Variants in GALNT9 observed in about 807,000 individuals in gnomAD.
GALNT9 encodes GalNAc transferase 9.
In GALNT9, 47 loss-of-function variants were observed where a neutral mutation model predicts 63.1. The observed-to-expected ratio is 0.75, with a 90% confidence interval of 0.59 to 0.95. The LOEUF (loss-of-function observed/expected upper bound fraction) is 0.95, where lower values mean the gene tolerates loss of function less well. Among genes scored for constraint, GALNT9 ranks in the 40% least tolerant of loss-of-function variants. The probability of loss-of-function intolerance (pLI) is 0.00; values close to 1 mark genes in which losing one functional copy is unlikely to be tolerated. For synonymous variants in GALNT9, 396 were observed against 365.7 expected (o/e 1.08, Z -0.94); for missense variants, 829 against 874.8 (o/e 0.95, Z 0.66).
intron 6 of GALNT9, among the ~76,000 whole-genome samples, chr12:132,207,417 T>C (rs145372527): frequency 0.033 from 4,988 of 152,248 alleles, 259 homozygotes; most frequent in African/African-American, 0.11. Flanking sequence ...GGGCCTTCTG[T>C]GGCGCTGGGG....
chr12:132,213,547 G>T (rs977363638), intron 6 of GALNT9, among the ~76,000 whole-genome samples: 3 of 150,438 alleles, frequency 2.0e-5, no homozygotes, highest in African/African-American at 7.4e-5. Context: ...ACATACAGGC[G>T]CACTCACACA....
At position 132,203,599 on chromosome 12, in the gene GALNT9, T is replaced by A. The variant is rs1452436304; in HGVS notation, c.1169A>T (p.Asp390Val). The A allele has an allele frequency of 6.2e-7, 1 of 1,613,802 alleles. No individual in the cohort carries two copies. Among genetic ancestry groups the A allele is most frequent in the African/African-American group, 1.3e-5 (1 of 74,934 alleles). Residue 390 changes from aspartate to valine, a missense_variant, in exon 7 of 11, where the codon GAC becomes GTC. Asp to Val is a radical substitution (Grantham distance 152). Transcript: ENST00000328957. ...CAGGGCGTTGCGCTTGGCATAGTAG[T>A]CAATGTCGTTGTTGTAGGGCTTCCT... ...RTRKPYNNDI[D>V]YYAKRNALRA...
intron 2 of GALNT9, chr12:132,275,340 A>C (rs1880040370): frequency 6.6e-6 from 1 of 152,308 alleles, no homozygotes; most frequent in African/African-American, 2.4e-5. Context: ...TCAGGGAGAG[A>C]CACACGGCCC....
intron 1 of GALNT9, among the ~76,000 whole-genome samples, chr12:132,312,420 G>A (rs1210780398): frequency 6.6e-6 from 1 of 152,230 alleles, no homozygotes; most frequent in African/African-American, 2.4e-5. Context: ...CCCAGGTTTG[G>A]GTTTAAGGGC....
Position 132,261,044 on chromosome 12 carries a change from C to G in GALNT9, c.665G>C (p.Arg222Pro). The stretch of plus-strand genomic sequence containing the variant: ...CAGCCGCGCGCGGATCAGTCCTTCC[C>G]GCCGGCTGTTGCGGACAATCTTCAC... ...GLVKIVRNSR[R>P]EGLIRARLQG... Residue 222 changes from arginine (R) to proline (P), a missense_variant, in exon 4 of 11, where the codon CGG becomes CCG. Arg to Pro is a moderately radical substitution (Grantham distance 103). Coordinates refer to ENST00000328957, the MANE Select transcript of GALNT9 (RefSeq NM_001122636.2). The G allele has an allele frequency of 6.4e-7, 1 of 1,551,438 alleles. No individual in the cohort carries two copies. The highest frequency in any genetic ancestry group is 8.7e-7 in the Non-Finnish European group (1 of 1,146,950).
At chr12:132,250,043 C>T (rs1221061205) in intron 5 of GALNT9, among the ~76,000 whole-genome samples, 3 of 152,226 alleles carry the variant, frequency 2.0e-5, no homozygotes, top group African/African-American at 7.2e-5. Flanking sequence ...CTCAGCCCAG[C>T]AGCCACGGAG....
In GALNT9 at chr12:132,252,323, C is replaced by T. The variant is rs1390734009; in HGVS notation, c.960-4296G>A. On this transcript the variant is annotated intron_variant, in intron 5 of 10. Coordinates refer to ENST00000328957, the MANE Select transcript of GALNT9 (RefSeq NM_001122636.2). This position sits in a 1 kb window ranked among gnomAD's most constrained non-coding sequence, Gnocchi z 5.2. The stretch of plus-strand genomic sequence containing the variant: ...TCCTGCAGCCGCATCCCCGCCACGA[C>T]TGAAGCCTTCGTGTCTTGCGGACGC... 6.6e-6 allele frequency among the ~76,000 whole-genome samples: 1 copy of T among 152,250 alleles called. No individual in the cohort carries two copies. The highest frequency in any genetic ancestry group is 1.5e-5 in the Non-Finnish European group (1 of 68,042).
rs961792953 is a variant in GALNT9, at chr12:132,228,764, C to T, written c.1077+19146G>A. Among the ~76,000 whole-genome samples, 378 of 152,162 alleles carry T rather than the reference C, an allele frequency of 2.5e-3. 4 individuals carry two copies. The highest frequency in any genetic ancestry group is 8.7e-3 in the African/African-American group (361 of 41,516). On this transcript the variant is annotated intron_variant, in intron 6 of 10. Coordinates refer to ENST00000328957, the MANE Select transcript of GALNT9 (RefSeq NM_001122636.2). Reference sequence around the variant, plus strand: ...CAGAGAGCAAACGATTTCCAACTTCCGCTCTGCAGATGGCTTTCCTGGCCC... The same window carrying T: ...CAGAGAGCAAACGATTTCCAACTTCTGCTCTGCAGATGGCTTTCCTGGCCC...
intron 9 of GALNT9, among the ~76,000 whole-genome samples, chr12:132,198,463 G>A (rs1042776013): frequency 8.2e-6 from 1 of 121,392 alleles, no homozygotes; most frequent in African/African-American, 2.9e-5. Flanking sequence ...GGCCTGTGCT[G>A]CAGGTGAGTC....
chr12:132,289,870 C>A (rs1240962141), intron 1 of GALNT9, among the ~76,000 whole-genome samples: 3 of 152,234 alleles, frequency 2.0e-5, no homozygotes, highest in African/African-American at 7.2e-5. Context: ...CGGGTCACCA[C>A]TGAGTCCCCG....
At position 132,197,249 on chromosome 12, in the gene GALNT9, C is replaced by A; in HGVS notation, c.1670G>T (p.Gly557Val). Residue 557 changes from glycine to valine, a missense_variant, in exon 11 of 11, where the codon GGC becomes GTC. By Grantham distance (109) the Gly-to-Val change is moderately radical (BLOSUM62 -3). Transcript: ENST00000328957. ...GCCCGTGGCCCGGCTCACAATGGGG[C>A]CACTCTGTGGGGACAGGCACATCAA... ...TQRLWDFTQS[G>V]PIVSRATGRC... The A allele has an allele frequency of 6.2e-7, 1 of 1,611,734 alleles. No homozygotes were observed. The highest frequency in any genetic ancestry group is 8.5e-7 in the Non-Finnish European group (1 of 1,179,834).
rs73166848 is a variant in GALNT9 at position 132,208,460 on chromosome 12, C to T, written c.1078-4770G>A. On this transcript the variant is annotated intron_variant, in intron 6 of 10. Transcript: ENST00000328957. ...ACGCTATCACCCTAGGCCTTCGTCACGTGATTTGCTTGGACCAACAGAAAG... is the reference window on the plus strand; with the variant it reads ...ACGCTATCACCCTAGGCCTTCGTCATGTGATTTGCTTGGACCAACAGAAAG... Among the ~76,000 whole-genome samples the T allele has an allele frequency of 2.6e-3, 395 of 152,368 alleles. 2 individuals are homozygous for T. The highest frequency in any genetic ancestry group is 8.9e-3 in the African/African-American group (371 of 41,586).
At chr12:132,293,167 G>C (rs1555242941) in intron 1 of GALNT9, among the ~76,000 whole-genome samples, 1 of 152,226 alleles carries the variant, frequency 6.6e-6, no homozygotes, top group Non-Finnish European at 1.5e-5. Flanking sequence ...ACTGAGTGGG[G>C]GGGCTCAGGC....
chr12:132,282,417 G>A lies in GALNT9; in HGVS notation c.419+3833C>T, dbSNP rs1235115504. Among the ~76,000 whole-genome samples the A allele has an allele frequency of 2.7e-5, 4 of 150,576 alleles. No individual in the cohort carries two copies. In the East Asian group the frequency reaches 8.1e-4, roughly 30 times the overall value. ...TACGTGTGTGCGCGTGTGTGCGTGTGTGTGCGTGTGTGCGTGCATGCGTGT... is the reference window on the plus strand; with the variant it reads ...TACGTGTGTGCGCGTGTGTGCGTGTATGTGCGTGTGTGCGTGCATGCGTGT... On this transcript the variant is annotated intron_variant, in intron 2 of 10. Transcript: ENST00000328957. This position sits in a 1 kb window ranked among gnomAD's most constrained non-coding sequence, Gnocchi z 4.5.
chr12:132,262,469 G>A lies in GALNT9; in HGVS notation c.576C>T (p.Asn192=), dbSNP rs1555239865. 2 of 1,550,320 alleles carry A rather than the reference G, an allele frequency of 1.3e-6. No homozygotes were observed. The highest frequency in any genetic ancestry group is 1.4e-5 in the African/African-American group (1 of 73,172). ...LLKEVILVDD[N]SDNVELKFNL... Reference sequence around the variant, plus strand: ...GCCCCGCCCACTCACCGTTGTCACTGTTGTCGTCCACCAGGATGACCTCCT... The same window carrying A: ...GCCCCGCCCACTCACCGTTGTCACTATTGTCGTCCACCAGGATGACCTCCT... Residue 192 remains asparagine, a synonymous_variant, in exon 3 of 11, where the codon AAC becomes AAT. Coordinates refer to ENST00000328957, the MANE Select transcript of GALNT9 (RefSeq NM_001122636.2).
chr12:132,310,369 G>A lies in GALNT9; in HGVS notation c.238+18597C>T, dbSNP rs536998541. ...CTGAGTTCCCTCACCCAGAGGAGCC[G>A]GGGCTGAGTGCCAGGAGTGAGAGCG... is the stretch of plus-strand genomic sequence containing the variant. On this transcript the variant is annotated intron_variant, in intron 1 of 10. Transcript: ENST00000328957. This position sits in a 1 kb window ranked among gnomAD's most constrained non-coding sequence, Gnocchi z 4.8. Among the ~76,000 whole-genome samples the A allele has an allele frequency of 1.8e-3, 273 of 152,324 alleles. 1 individual carries two copies. Among genetic ancestry groups the A allele is most frequent in the African/African-American group, 6.1e-3 (253 of 41,574 alleles).
At chr12:132,228,331 G>A (rs988834200) in intron 6 of GALNT9, among the ~76,000 whole-genome samples, 8 of 150,800 alleles carry the variant, frequency 5.3e-5, no homozygotes, top group Admixed American at 2.0e-4. Context: ...TGTGGGTGGC[G>A]GGGCGGCCCG....
chr12:132,304,643 G>A lies in GALNT9; in HGVS notation c.239-18213C>T, dbSNP rs188714384. 2.9e-3 allele frequency among the ~76,000 whole-genome samples: 43 copies of A among 14,954 alleles called. 1 individual carries two copies. The highest frequency in any genetic ancestry group is 5.9e-3 in the African/African-American group (20 of 3,396). The allele number at this position is 14,954 out of a possible 152,430, so 9.8% of individuals were successfully genotyped here. A position where few individuals can be genotyped will look rare whatever the true frequency, so the allele number is the denominator to read the frequency against. On this transcript the variant is annotated intron_variant, in intron 1 of 10. Transcript: ENST00000328957. ...CACAGCCTCACCGGGGCACACCCTC[G>A]CCCGGACACACCCTCACCCGGGCAC...
rs1881771925 is a variant in GALNT9 at position 132,310,420 on chromosome 12, C to A, written c.238+18546G>T. Among the ~76,000 whole-genome samples, 1 of 152,186 alleles carries A rather than the reference C, an allele frequency of 6.6e-6. No homozygotes were observed. Among genetic ancestry groups the A allele is most frequent in the Admixed American group, 6.5e-5 (1 of 15,278 alleles). On this transcript the variant is annotated intron_variant, in intron 1 of 10. Transcript: ENST00000328957. The surrounding 1 kb of genome is among the most constrained non-coding windows in gnomAD (Gnocchi z 4.8). ...CACCCACGTGAGGTCAGGCTGCCTC[C>A]CACCCAACAGCCCCACCCAGAAGGA...
Sources: allele counts gnomAD v4.1 joint callset (sites outside exome capture counted in the v4.1 genomes callset), GRCh38; gene constraint gnomAD v4.1.1; non-coding constraint Gnocchi (gnomAD v3.1); transcripts MANE v1.5; gene names NCBI Gene and HGNC (gene_info 2026-07-23, HGNC 2026-07-21).